PPP3CB: variants seen among roughly 807,000 people sequenced by gnomAD.
PPP3CB encodes the protein serine/threonine-protein phosphatase 2B catalytic subunit beta isoform.
In PPP3CB, 8 loss-of-function variants were observed where a neutral mutation model predicts 66.4. The ratio of observed to expected loss-of-function variants is 0.12; its 90% CI spans 0.07 to 0.22. The LOEUF (loss-of-function observed/expected upper bound fraction) is 0.22, where lower values mean the gene tolerates loss of function less well. PPP3CB is among the 10% of genes least tolerant of loss of function. PPP3CB has a pLI of 1.00. For synonymous variants in PPP3CB, 208 were observed against 221.2 expected, an observed-to-expected ratio of 0.94 and a Z score of 0.53; for missense variants, 319 against 642.5, an observed-to-expected ratio of 0.50 and a Z score of 5.44.
In PPP3CB at chr10:73,495,836, C is replaced by A. The variant is rs201497653; in HGVS notation, c.54G>T (p.Pro18=). Residue 18 remains proline (P), a synonymous_variant, in exon 1 of 14, where the codon CCG becomes CCT. Transcript: ENST00000360663. ...CGACGCGGTCAGCCCCGGGAGGGGGCGGCGGGGGCGGGGGTGGGGGCGGTG... is the reference window on the plus strand; with the variant it reads ...CGACGCGGTCAGCCCCGGGAGGGGGAGGCGGGGGCGGGGGTGGGGGCGGTG... The part of the protein sequence containing the change: ...RAAPPPPPPP[P]PPPGADRVVK... The A allele has an allele frequency of 6.7e-3, 4,488 of 669,592 alleles. 15 individuals carry two copies. Among genetic ancestry groups the A allele is most frequent in the Middle Eastern group, 0.018 (37 of 2,106 alleles). 41.5% of individuals were successfully genotyped at this position (669,592 alleles called of 1,614,324 possible).
chr10:73,473,825 C>A (rs1397314672), intron 4 of PPP3CB, among the ~76,000 whole-genome samples: 1 of 151,724 alleles, frequency 6.6e-6, no homozygotes, highest in African/African-American at 2.4e-5. Flanking sequence ...CCAACTGTAC[C>A]TGACTAGTCT....
chr10:73,439,482 A>G (rs935075785), intron 13 of PPP3CB, among the ~76,000 whole-genome samples: 9 of 152,082 alleles, frequency 5.9e-5, no homozygotes, highest in Non-Finnish European at 1.5e-5. Flanking sequence ...TCACTTAGGG[A>G]AAAAAAATCT....
At chr10:73,469,419 T>C (rs1458325155) in intron 8 of PPP3CB, among the ~76,000 whole-genome samples, 1 of 152,120 alleles carries the variant, frequency 6.6e-6, no homozygotes, top group East Asian at 1.9e-4. Flanking sequence ...CGGGTGCCTA[T>C]GATCCCAGCT....
intron 1 of PPP3CB, among the ~76,000 whole-genome samples, chr10:73,489,440 G>T (rs2057037385): frequency 7.9e-6 from 1 of 127,046 alleles, no homozygotes; most frequent in Admixed American, 7.4e-5. Context: ...AATGGTGATG[G>T]TTACCATTGG....
chr10:73,471,409 C>A, intron 5 of PPP3CB, 59 bp downstream of exon 5: 1 of 1,505,368 alleles, frequency 6.6e-7, no homozygotes, highest in Non-Finnish European at 9.0e-7. Flanking sequence ...GAAACTTCTG[C>A]TCTACTCAAC....
intron 1 of PPP3CB, among the ~76,000 whole-genome samples, chr10:73,489,411 T>C (rs2057036774): frequency 6.6e-6 from 1 of 151,146 alleles, no homozygotes; most frequent in Non-Finnish European, 1.5e-5. Context: ...AAACCTTCAA[T>C]AATAATAATA....
intron 1 of PPP3CB, among the ~76,000 whole-genome samples, chr10:73,483,222 A>T (rs1327533541): frequency 6.6e-6 from 1 of 152,252 alleles, no homozygotes; most frequent in Non-Finnish European, 1.5e-5. Flanking sequence ...TACATTTCAA[A>T]ACCAGCTGGG....
rs2056840478 is a variant in PPP3CB at position 73,479,458 on chromosome 10, T to A, written c.145A>T (p.Ile49Leu). The part of the protein sequence containing the change: ...TSEEVFDLDG[I>L]PRVDVLKNHL... The stretch of plus-strand genomic sequence containing the variant: ...TTCTTCAGAACATCAACCCTGGGTA[T>A]CCCATCCAAATCAAATACTTCTTCA... The change falls in exon 2 of 14, where the codon ATA becomes TTA. Residue 49 changes from isoleucine (I) to leucine (L), a missense_variant. Ile to Leu is a conservative substitution (Grantham distance 5, BLOSUM62 2). Transcript: ENST00000360663. The A allele has an allele frequency of 1.2e-6, 2 of 1,614,016 alleles. No individual in the cohort carries two copies. The highest frequency in any genetic ancestry group is 2.2e-5 in the East Asian group (1 of 44,882).
chr10:73,491,322 C>A (rs2057075170), intron 1 of PPP3CB, among the ~76,000 whole-genome samples: 1 of 151,444 alleles, frequency 6.6e-6, no homozygotes, highest in Non-Finnish European at 1.5e-5. Flanking sequence ...AGCCACTGTG[C>A]CCAGCCAAAT....
intron 4 of PPP3CB, among the ~76,000 whole-genome samples, chr10:73,473,165 T>G (rs1461131522): frequency 6.6e-6 from 1 of 152,166 alleles, no homozygotes; most frequent in Non-Finnish European, 1.5e-5. Context: ...CTCATTTAGG[T>G]TAACTGCCTG....
intron 12 of PPP3CB, among the ~76,000 whole-genome samples, chr10:73,441,424 C>T (rs530251727): frequency 6.6e-6 from 1 of 151,364 alleles, no homozygotes; most frequent in Non-Finnish European, 1.5e-5. Context: ...CATAGAGAGA[C>T]CTCATCTCCC....
chr10:73,490,486 A>G (rs1461139048), intron 1 of PPP3CB, among the ~76,000 whole-genome samples: 1 of 152,238 alleles, frequency 6.6e-6, no homozygotes, highest in African/African-American at 2.4e-5. Context: ...TACCATACAC[A>G]GACGATGCCC....
At chr10:73,449,956 TG>T in intron 10 of PPP3CB, among the ~76,000 whole-genome samples, 1 of 152,150 alleles carries the variant, frequency 6.6e-6, no homozygotes, top group East Asian at 1.9e-4. Context: ...CCACCATGCC[TG>T]GCTAATTTTT....
chr10:73,452,697 A>G (rs912873857), intron 10 of PPP3CB, among the ~76,000 whole-genome samples: 2 of 148,344 alleles, frequency 1.3e-5, no homozygotes, highest in South Asian at 2.1e-4. Context: ...CTCTGTCTCA[A>G]AAAAAAAAAA....
rs201411246 is a variant in PPP3CB, at chr10:73,474,435, A to ATT, written c.523+482_523+483dup. ...ATAAGAAATTCTGAAATGAAAAAAA[A>ATT]TTTTTTTTTTTGAGACAGGGTCTGA... On this transcript the variant is annotated intron_variant, in intron 4 of 13. Transcript: ENST00000360663. Among the ~76,000 whole-genome samples, 398 of 149,438 alleles carry ATT rather than the reference A, an allele frequency of 2.7e-3. 2 individuals are homozygous for ATT. The highest frequency in any genetic ancestry group is 9.1e-3 in the African/African-American group (371 of 40,812).
At position 73,471,075 on chromosome 10, in the gene PPP3CB, A is replaced by G. The variant is rs2056694507; in HGVS notation, c.804T>C (p.Phe268=). 1 of 1,606,088 alleles carries G rather than the reference A, an allele frequency of 6.2e-7. No individual in the cohort carries two copies. The highest frequency in any genetic ancestry group is 8.5e-7 in the Non-Finnish European group (1 of 1,174,134). ...TCTTGGATATTTTTCCTTACTTATA[A>G]AAATAAGAACATCCTCGAACTGTAT... ...SHNTVRGCSY[F]YNYPAVCEFL... is the part of the protein sequence containing the mutation. The change falls in exon 6 of 14, where the codon TTT becomes TTC. Residue 268 remains phenylalanine (F), a synonymous_variant. Coordinates refer to ENST00000360663, the MANE Select transcript of PPP3CB (RefSeq NM_021132.4).
At position 73,485,920 on chromosome 10, in the gene PPP3CB, G is replaced by GTGTGTGTGTGTA. The variant is rs1171543918; in HGVS notation, c.86-6404_86-6403insTACACACACACA. Reference sequence around the variant, plus strand: ...CACACCTGGCTAATTGTGTGTGTGTGTGTGTGTGTGTGTGTGTGTGTGTGT... The same window carrying GTGTGTGTGTGTA: ...CACACCTGGCTAATTGTGTGTGTGTGTGTGTGTGTGTATGTGTGTGTGTGTGTGTGTGTGTGT... On this transcript the variant is annotated intron_variant, in intron 1 of 13. Transcript: ENST00000360663. Among the ~76,000 whole-genome samples, 3 of 108,206 alleles carry GTGTGTGTGTGTA rather than the reference G, an allele frequency of 2.8e-5. No individual in the cohort carries two copies. The East Asian group carries it at 1.0e-3, about 36-fold the overall frequency. The allele number at this position is 108,206 out of a possible 152,430, so 71.0% of individuals were successfully genotyped here.
At chr10:73,470,995 A>G (rs776019263) in intron 6 of PPP3CB, 31 bp from the exon 7 acceptor site, 1 of 1,607,752 alleles carries the variant, frequency 6.2e-7, no homozygotes, top group South Asian at 1.1e-5. Flanking sequence ...ATTAAGTAAA[A>G]TAATGGCTTT....
At chr10:73,494,274 T>A (rs2057131574) in intron 1 of PPP3CB, among the ~76,000 whole-genome samples, 1 of 150,390 alleles carries the variant, frequency 6.6e-6, no homozygotes, top group Admixed American at 6.6e-5. Context: ...TGCAAATCAG[T>A]GTTTTGTTTT....
Sources: gnomAD v4.1 joint callset for allele counts (sites outside exome capture counted in the v4.1 genomes callset) on GRCh38, gnomAD v4.1.1 for gene constraint, MANE v1.5 for transcripts, NCBI Gene and HGNC (gene_info 2026-07-23, HGNC 2026-07-21) for gene names.